The following MUC12 variants were observed in gnomAD, a reference collection of about 807,000 sequenced individuals.
The protein encoded by MUC12 is mucin 12, cell surface associated.
Under a neutral mutation model 230.8 loss-of-function variants are expected in MUC12, and 172 were observed. That is an observed-to-expected ratio of 0.75 (90% CI 0.66 to 0.85). The LOEUF (loss-of-function observed/expected upper bound fraction) is 0.85. Ranked by LOEUF, MUC12 falls within the 40% of genes least tolerant of loss-of-function variation. The pLI is 0.00. For synonymous variants in MUC12, 1,259 were observed against 2,401.9 expected, an observed-to-expected ratio of 0.52 and a Z score of 13.91; for missense variants, 3,506 against 5,920.6, an observed-to-expected ratio of 0.59 and a Z score of 13.38.
At position 101,004,808 on chromosome 7, in the gene MUC12, G is replaced by A. The variant is rs1031400677; in HGVS notation, c.14245G>A (p.Asp4749Asn). The A allele has an allele frequency of 6.5e-7, 1 of 1,537,464 alleles. No homozygotes were observed. The highest frequency in any genetic ancestry group is 1.4e-5 in the African/African-American group (1 of 72,982). The part of the protein sequence containing the change: ...TILYSSSRSP[D>N]QTLSPASMTS... ...CCTTTACAGTAGCTCCAGATCACCA[G>A]ACCAAACACTCTCACCTGCCAGCAT... The change falls in exon 2 of 12, where the codon GAC (aspartate) becomes AAC (asparagine). Residue 4749 changes from aspartate (D) to asparagine (N), a missense_variant. Asp to Asn is a conservative substitution (Grantham distance 23). Coordinates refer to ENST00000536621, the MANE Select transcript of MUC12 (RefSeq NM_001164462.2).
At chr7:101,007,683 G>T (rs1436587001) in intron 3 of MUC12, among the ~76,000 whole-genome samples, 1 of 152,142 alleles carries the variant, frequency 6.6e-6, no homozygotes, top group Admixed American at 6.6e-5. Context: ...TCCAAGTCTT[G>T]GCTATTGTGA....
chr7:101,009,030 G>A, intron 4 of MUC12, 65 bp from the exon 5 acceptor site: 1 of 1,512,950 alleles, frequency 6.6e-7, no homozygotes, highest in South Asian at 1.2e-5. Flanking sequence ...GCTGCCTCAA[G>A]AAGGGTAACA....
chr7:101,012,747 A>T, intron 6 of MUC12, 72 bp from the exon 7 acceptor site: 1 of 1,470,626 alleles, frequency 6.8e-7, no homozygotes, highest in Non-Finnish European at 9.2e-7. Context: ...TAGAAGAGAG[A>T]GGCCTGGCTA....
At position 101,016,438 on chromosome 7, in the gene MUC12, G is replaced by A. The variant is rs142673553; in HGVS notation, c.15877+747G>A. Reference sequence around the variant, plus strand: ...TCTCCTGCCCTCAGCCTCCCTAGTAGCTGTGATTACAGGCATGCCACCACG... The same window carrying A: ...TCTCCTGCCCTCAGCCTCCCTAGTAACTGTGATTACAGGCATGCCACCACG... On this transcript the variant is annotated intron_variant, in intron 10 of 11. Coordinates refer to ENST00000536621, the MANE Select transcript of MUC12 (RefSeq NM_001164462.2). Among the ~76,000 whole-genome samples, 67 of 152,232 alleles carry A rather than the reference G, an allele frequency of 4.4e-4. 1 individual carries two copies. In the East Asian group the frequency reaches 0.01, roughly 24 times the overall value.
rs1793696608 is a variant in MUC12 at position 101,004,520 on chromosome 7, G to A, written c.13957G>A (p.Glu4653Lys). The change falls in exon 2 of 12, where the codon GAA becomes AAA. Residue 4653 changes from glutamate (E) to lysine (K), a missense_variant. Coordinates refer to ENST00000536621, the MANE Select transcript of MUC12 (RefSeq NM_001164462.2). ...TCCTAGCACCACATCTGCCCTTGTT[G>A]AAGAACCTACCAGCTACCACAGCAG... ...SPPSTTSALV[E>K]EPTSYHSSPG... 1 of 1,535,516 alleles carries A rather than the reference G, an allele frequency of 6.5e-7. No individual in the cohort carries two copies. The highest frequency in any genetic ancestry group is 8.7e-7 in the Non-Finnish European group (1 of 1,146,480).
rs943568904 is a variant in MUC12 at position 101,015,648 on chromosome 7, G to A, written c.15834G>A (p.Lys5278=). 8 of 1,537,706 alleles carry A rather than the reference G, an allele frequency of 5.2e-6. No individual in the cohort carries two copies. The highest frequency in any genetic ancestry group is 7.0e-6 in the Non-Finnish European group (8 of 1,147,008). The change falls in exon 10 of 12, where the codon AAG becomes AAA. Residue 5278 remains lysine (K), a synonymous_variant. Coordinates refer to ENST00000536621, the MANE Select transcript of MUC12 (RefSeq NM_001164462.2). ...ATGATGTGCCTCAAGAGTGGCGAAA[G>A]GAAGGCACCCCTGGCATCTTCCAGA... ...EQYDVPQEWR[K]EGTPGIFQKT... is the part of the protein sequence containing the mutation.
chr7:100,970,096 C>T (rs1228384713), intron 1 of MUC12, among the ~76,000 whole-genome samples: 2 of 152,292 alleles, frequency 1.3e-5, no homozygotes, highest in African/African-American at 4.8e-5. Flanking sequence ...ATGCTGCTAG[C>T]CCTGGTCGGG....
At chr7:101,011,536 C>T (rs969802787) in intron 5 of MUC12, among the ~76,000 whole-genome samples, 10 of 152,194 alleles carry the variant, frequency 6.6e-5, no homozygotes, top group African/African-American at 1.9e-4. Flanking sequence ...ATCCTCCTGA[C>T]GTAGCGTCCT....
chr7:100,980,531 C>G lies in MUC12; in HGVS notation c.68-10100C>G, dbSNP rs753695328. ...TGGACATGTGTACCTCTGTTTTTTA[C>G]TATAATAAGTAACGAGGCAATAAAC... is the stretch of plus-strand genomic sequence containing the variant. On this transcript the variant is annotated intron_variant, in intron 1 of 11. Coordinates refer to ENST00000536621, the MANE Select transcript of MUC12 (RefSeq NM_001164462.2). Among the ~76,000 whole-genome samples, 78 of 152,136 alleles carry G rather than the reference C, an allele frequency of 5.1e-4. 1 individual carries two copies. Among genetic ancestry groups the G allele is most frequent in the Non-Finnish European group, 1.0e-4 (7 of 68,020 alleles).
At chr7:100,990,568 C>G in intron 1 of MUC12, 63 bp from the exon 2 acceptor site, 7 of 1,523,818 alleles carry the variant, frequency 4.6e-6, no homozygotes, top group Non-Finnish European at 6.2e-6. Flanking sequence ...GAATTGACTG[C>G]CACCAAACAT....
In MUC12 at chr7:100,995,683, C is replaced by G. The variant is rs1340630864; in HGVS notation, c.5120C>G (p.Ser1707Ter). The change falls in exon 2 of 12, where the codon TCA (serine) becomes TGA (stop). Residue 1707 changes from serine (S) to a stop codon, truncating the protein, a stop_gained. Coordinates refer to ENST00000536621, the MANE Select transcript of MUC12 (RefSeq NM_001164462.2). LOFTEE classifies it high-confidence loss of function. Reference protein sequence around the residue: ...DTMPAPPTTTSAFVELSTTSH... With the variant: ...DTMPAPPTTT Reference sequence around the variant, plus strand: ...ATGCCTGCACCTCCTACTACCACATCAGCCTTTGTTGAGCTATCTACAACC... The same window carrying G: ...ATGCCTGCACCTCCTACTACCACATGAGCCTTTGTTGAGCTATCTACAACC... 5.2e-6 allele frequency: 8 copies of G among 1,537,280 alleles called. No homozygotes were observed. The highest frequency in any genetic ancestry group is 1.2e-5 in the South Asian group (1 of 84,064).
At chr7:101,005,964 A>G (rs1793742556) in intron 2 of MUC12, among the ~76,000 whole-genome samples, 1 of 151,826 alleles carries the variant, frequency 6.6e-6, no homozygotes, top group South Asian at 2.1e-4. Flanking sequence ...TGCCTACCTA[A>G]TTTTTGTATT....
At chr7:101,006,879 C>A (rs1024416701) in intron 3 of MUC12, among the ~76,000 whole-genome samples, 19 of 152,284 alleles carry the variant, frequency 1.2e-4, no homozygotes, top group African/African-American at 4.3e-4. Context: ...ATAATCACAG[C>A]ATGGAGAATG....
intron 1 of MUC12, among the ~76,000 whole-genome samples, chr7:100,971,617 G>C: frequency 6.6e-6 from 1 of 152,310 alleles, no homozygotes; most frequent in Non-Finnish European, 1.5e-5. Flanking sequence ...TGATGGGAGA[G>C]TTTCAAGGGC....
chr7:101,006,358 T>A, intron 2 of MUC12, 113 bp from the exon 3 acceptor site: 1 of 708,772 alleles, frequency 1.4e-6, no homozygotes, highest in Non-Finnish European at 2.5e-6. Context: ...TGCGGTCATC[T>A]GGCATCGTCC....
Position 100,990,871 on chromosome 7 carries a change from C to T in MUC12, c.308C>T (p.Ser103Leu). 2 of 1,537,882 alleles carry T rather than the reference C, an allele frequency of 1.3e-6. No individual in the cohort carries two copies. Among genetic ancestry groups the T allele is most frequent in the Non-Finnish European group, 1.7e-6 (2 of 1,147,048 alleles). Residue 103 changes from serine (S) to leucine (L), a missense_variant, in exon 2 of 12, where the codon TCA becomes TTA. Ser to Leu is a moderately radical substitution (Grantham distance 145, BLOSUM62 -2). Coordinates refer to ENST00000536621, the MANE Select transcript of MUC12 (RefSeq NM_001164462.2). The part of the protein sequence containing the change: ...TTLFPSHSAT[S>L]VFVGEPKTSP... ...CTCTTCCCTTCCCACTCTGCAACCT[C>T]AGTTTTTGTTGGAGAACCTAAAACC...
rs138453123 is a variant in MUC12, at chr7:100,991,929, T to C, written c.1366T>C (p.Ser456Pro). The C allele has an allele frequency of 0.01, 15,615 of 1,535,010 alleles. 125 individuals carry two copies. The highest frequency in any genetic ancestry group is 0.024 in the Middle Eastern group (145 of 5,980). ...AMATTVLPAG[S>P]TPSVLVGDST... is the part of the protein sequence containing the mutation. Reference sequence around the variant, plus strand: ...GGCAACAACAGTCTTACCTGCCGGCTCTACACCCTCAGTTCTTGTTGGAGA... The same window carrying C: ...GGCAACAACAGTCTTACCTGCCGGCCCTACACCCTCAGTTCTTGTTGGAGA... Residue 456 changes from serine (S) to proline (P), a missense_variant, in exon 2 of 12, where the codon TCT becomes CCT. Physicochemically the swap from Ser to Pro is moderately conservative, Grantham distance 74. Coordinates refer to ENST00000536621, the MANE Select transcript of MUC12 (RefSeq NM_001164462.2).
chr7:101,008,875 C>A (rs1793798165), intron 4 of MUC12, 114 bp downstream of exon 4: 2 of 1,379,708 alleles, frequency 1.4e-6, no homozygotes, highest in Non-Finnish European at 1.9e-6. Flanking sequence ...CCCCTCCCTA[C>A]CAGTCTCCCT....
rs1452507010 is a variant in MUC12 at position 100,992,480 on chromosome 7, C to T, written c.1917C>T (p.Ser639=). 2.0e-6 allele frequency: 3 copies of T among 1,537,778 alleles called. No individual in the cohort carries two copies. The highest frequency in any genetic ancestry group is 1.4e-5 in the African/African-American group (1 of 73,042). The change falls in exon 2 of 12, where the codon AGC becomes AGT. Residue 639 remains serine, a synonymous_variant. Transcript: ENST00000536621. ...CTACCACATTCCATAGCTGGCCAAG[C>T]TCAAAGGACACTAGGCCTGCACCTC... ...GESTTFHSWP[S]SKDTRPAPPT...
Sources: allele counts gnomAD v4.1 joint callset (sites outside exome capture counted in the v4.1 genomes callset), GRCh38; gene constraint gnomAD v4.1.1; transcripts MANE v1.5; gene names NCBI Gene and HGNC (gene_info 2026-07-23, HGNC 2026-07-21).